The following ZFYVE28 variants were observed in gnomAD, a reference collection of about 807,000 sequenced individuals.
ZFYVE28 encodes the protein lateral signaling target protein 2 homolog.
ZFYVE28 carries 40 observed loss-of-function variants against 82.1 expected under a neutral mutation model. That is an observed-to-expected ratio of 0.49 (90% confidence interval 0.38 to 0.63). The LOEUF is 0.63. Ranked by LOEUF, ZFYVE28 falls within the 30% of genes least tolerant of loss-of-function variation. ZFYVE28 has a pLI of 0.00. For synonymous variants in ZFYVE28, 612 were observed against 546.1 expected, an observed-to-expected ratio of 1.12 and a Z score of -1.68; for missense variants, 1,321 against 1,242.1, an observed-to-expected ratio of 1.06 and a Z score of -0.96.
At chr4:2,403,194 C>A (rs2108676143) in intron 1 of ZFYVE28, among the ~76,000 whole-genome samples, 1 of 152,366 alleles carries the variant, frequency 6.6e-6, no homozygotes. Flanking sequence ...CCCAGCTCCT[C>A]ACAGATGCCC....
At chr4:2,390,725 GTT>G (rs1729733798) in intron 1 of ZFYVE28, among the ~76,000 whole-genome samples, 1 of 152,236 alleles carries the variant, frequency 6.6e-6, no homozygotes, top group African/African-American at 2.4e-5. Context: ...GCTGCCTGAA[GTT>G]TACGTTTAGT....
At chr4:2,376,543 A>G (rs1032938000) in intron 1 of ZFYVE28, among the ~76,000 whole-genome samples, 2 of 152,190 alleles carry the variant, frequency 1.3e-5, no homozygotes, top group African/African-American at 4.8e-5. Context: ...ACAACCATGC[A>G]GAAGGTACCT....
rs140193759 is a variant in ZFYVE28, at chr4:2,278,710, C to T, written c.2052-4494G>A. Among the ~76,000 whole-genome samples the T allele has an allele frequency of 1.7e-3, 250 of 149,870 alleles. 6 individuals carry two copies. The East Asian group carries it at 0.04, about 24-fold the overall frequency. On this transcript the variant is annotated intron_variant, in intron 8 of 12. Transcript: ENST00000290974. ...CATGTGTCTGATAAGGACATAGTAT[C>T]TGCAATATAGAAAGAATTTTTACAA...
At chr4:2,296,967 T>C (rs1481779140) in intron 8 of ZFYVE28, among the ~76,000 whole-genome samples, 1 of 152,146 alleles carries the variant, frequency 6.6e-6, no homozygotes, top group Non-Finnish European at 1.5e-5. Context: ...CTGACTGCGC[T>C]GCAGGGAGGG....
chr4:2,311,983 G>C (rs1180383381), intron 7 of ZFYVE28, among the ~76,000 whole-genome samples: 1 of 152,182 alleles, frequency 6.6e-6, no homozygotes, highest in Non-Finnish European at 1.5e-5. Context: ...GAAAATTAAA[G>C]GGGGCAAATT....
chr4:2,395,619 GCCTGGA>G (rs1730354170), intron 1 of ZFYVE28, among the ~76,000 whole-genome samples: 1 of 152,206 alleles, frequency 6.6e-6, no homozygotes, highest in South Asian at 2.1e-4. Context: ...CATAGCACTG[GCCTGGA>G]ATTTTCAACC....
At chr4:2,290,032 G>A (rs542070072) in intron 8 of ZFYVE28, among the ~76,000 whole-genome samples, 81 of 152,174 alleles carry the variant, frequency 5.3e-4, no homozygotes, top group Non-Finnish European at 1.0e-3. Flanking sequence ...TCCTTGCGGA[G>A]GCCAGCCCAG....
intron 7 of ZFYVE28, among the ~76,000 whole-genome samples, chr4:2,313,031 G>C (rs1717708926): frequency 6.6e-6 from 1 of 151,810 alleles, no homozygotes; most frequent in South Asian, 2.1e-4. Context: ...GGGTGACAGA[G>C]TAAGACTCTG....
intron 8 of ZFYVE28, chr4:2,286,416 T>G (rs1050512996): frequency 6.6e-6 from 1 of 152,186 alleles, no homozygotes; most frequent in South Asian, 2.1e-4. Context: ...AGTGCTAAGC[T>G]CCACACCTGC....
chr4:2,397,541 C>T (rs137911421), intron 1 of ZFYVE28, among the ~76,000 whole-genome samples: 1 of 151,670 alleles, frequency 6.6e-6, no homozygotes, highest in Non-Finnish European at 1.5e-5. Flanking sequence ...TTCTCCACAA[C>T]TTTCTCACCT....
chr4:2,387,455 T>C (rs1367603955), intron 1 of ZFYVE28, among the ~76,000 whole-genome samples: 1 of 152,242 alleles, frequency 6.6e-6, no homozygotes, highest in Non-Finnish European at 1.5e-5. Flanking sequence ...GTCCTCGTGC[T>C]GTGCCTGGGG....
At chr4:2,360,815 G>A (rs968778992) in intron 1 of ZFYVE28, among the ~76,000 whole-genome samples, 1 of 152,258 alleles carries the variant, frequency 6.6e-6, no homozygotes, top group African/African-American at 2.4e-5. Context: ...CCAGCACGAC[G>A]GGGCTCACCC....
chr4:2,270,953 G>C, intron 12 of ZFYVE28, 97 bp from the exon 13 acceptor site: 1 of 1,509,178 alleles, frequency 6.6e-7, no homozygotes, highest in South Asian at 1.3e-5. Flanking sequence ...AGCTCAGGCC[G>C]CATTGGTGGG....
In ZFYVE28 at chr4:2,372,679, A is replaced by T. The variant is rs568551058; in HGVS notation, c.40-18606T>A. 5.3e-5 allele frequency among the ~76,000 whole-genome samples: 8 copies of T among 151,678 alleles called. 1 individual carries two copies. The South Asian group carries it at 1.7e-3, about 32-fold the overall frequency. ...TGGGCACGGGTGGGCACTGGCTGTC[A>T]CTCCCTCCGCAGAGGCAGGGGCAGG... On this transcript the variant is annotated intron_variant, in intron 1 of 12. Coordinates refer to ENST00000290974, the MANE Select transcript of ZFYVE28 (RefSeq NM_020972.3). The surrounding 1 kb of genome is among the most constrained non-coding windows in gnomAD (Gnocchi z 5.2).
rs547825463 is a variant in ZFYVE28, at chr4:2,331,019, C to T, written c.701+4686G>A. The T allele has an allele frequency of 3.2e-5, 44 of 1,389,692 alleles. 1 individual carries two copies. Among genetic ancestry groups the T allele is most frequent in the East Asian group, 2.8e-4 (8 of 28,326 alleles). The allele number at this position is 1,389,692 out of a possible 1,614,324, so 86.1% of individuals were successfully genotyped here. Reference sequence around the variant, plus strand: ...GGCCACGTGGGCGGTGGCTCCTGCACGTGTTCTGGGATGGGCTGGAAGGAG... The same window carrying T: ...GGCCACGTGGGCGGTGGCTCCTGCATGTGTTCTGGGATGGGCTGGAAGGAG... On this transcript the variant is annotated intron_variant, in intron 6 of 12. Transcript: ENST00000290974.
chr4:2,359,685 G>A (rs1296163977), intron 1 of ZFYVE28, among the ~76,000 whole-genome samples: 3 of 152,168 alleles, frequency 2.0e-5, no homozygotes, highest in East Asian at 1.9e-4. Flanking sequence ...CTACCGTTCC[G>A]GCTACCGAGT....
chr4:2,397,936 G>T (rs1730655569), intron 1 of ZFYVE28, among the ~76,000 whole-genome samples: 1 of 151,390 alleles, frequency 6.6e-6, no homozygotes, highest in African/African-American at 2.4e-5. Flanking sequence ...GAGAAACTAG[G>T]AGGAGAGCTG....
intron 6 of ZFYVE28, among the ~76,000 whole-genome samples, chr4:2,331,247 G>A (rs937482037): frequency 8.5e-5 from 13 of 152,074 alleles, no homozygotes; most frequent in African/African-American, 1.4e-4. Context: ...GCAGACGGGC[G>A]AAGCCGCAGC....
Position 2,418,150 on chromosome 4 carries a change from G to A in ZFYVE28, c.39+135C>T, listed in dbSNP as rs1225822561. ...ATCTGTCCAAGTCTTGGAGTGGAGGGAAGGATGTCGGCGGTGGGGGAAGAG... is the reference window on the plus strand; with the variant it reads ...ATCTGTCCAAGTCTTGGAGTGGAGGAAAGGATGTCGGCGGTGGGGGAAGAG... On this transcript the variant is annotated intron_variant, in intron 1 of 12. Transcript: ENST00000290974. This position sits in a 1 kb window ranked among gnomAD's most constrained non-coding sequence, Gnocchi z 4.6. 3.2e-5 allele frequency: 23 copies of A among 708,772 alleles called. No homozygotes were observed. The highest frequency in any genetic ancestry group is 4.0e-5 in the Non-Finnish European group (19 of 472,776). 43.9% of individuals were successfully genotyped at this position (708,772 alleles called of 1,614,324 possible).
Sources: allele counts gnomAD v4.1 joint callset (sites outside exome capture counted in the v4.1 genomes callset), GRCh38; gene constraint gnomAD v4.1.1; non-coding constraint Gnocchi (gnomAD v3.1); transcripts MANE v1.5; gene names NCBI Gene and HGNC (gene_info 2026-07-23, HGNC 2026-07-21).